ROCK1: variants seen among roughly 807,000 people sequenced by gnomAD.
ROCK1 encodes the protein rho-associated protein kinase 1.
A neutral mutation model predicts 196.8 loss-of-function variants in ROCK1; 36 were observed. The ratio of observed to expected loss-of-function variants is 0.18; its 90% confidence interval spans 0.14 to 0.24. The LOEUF (loss-of-function observed/expected upper bound fraction) is 0.24. Among genes scored for constraint, ROCK1 ranks in the 10% least tolerant of loss-of-function variants. ROCK1 has a pLI of 1.00. For missense variants in ROCK1, 920 were observed against 1,562.0 expected (o/e 0.59, Z 6.93); for synonymous variants, 443 against 515.9 (o/e 0.86, Z 1.91).
At chr18:21,099,484 CT>C (rs2036640126) in intron 1 of ROCK1, among the ~76,000 whole-genome samples, 1 of 152,186 alleles carries the variant, frequency 6.6e-6, no homozygotes, top group Admixed American at 6.5e-5. Flanking sequence ...TAGCTCACAC[CT>C]TTAATCCCAA....
chr18:20,991,206 T>A lies in ROCK1; in HGVS notation c.2113A>T (p.Ile705Phe), dbSNP rs367961522. The A allele has an allele frequency of 1.9e-6, 3 of 1,611,412 alleles. No individual in the cohort carries two copies. In the South Asian group the frequency reaches 3.3e-5, roughly 18 times the overall value. Residue 705 changes from isoleucine (I) to phenylalanine (F), a missense_variant, in exon 18 of 33, where the codon ATT becomes TTT. By Grantham distance (21) the Ile-to-Phe change is conservative. Transcript: ENST00000399799. ...ATTGCCACAGACTTTGCCTCTTCAATAGATTGATGTTTGTCAGTTAAACGA... is the reference window on the plus strand; with the variant it reads ...ATTGCCACAGACTTTGCCTCTTCAAAAGATTGATGTTTGTCAGTTAAACGA... Reference protein sequence around the residue: ...KARLTDKHQSIEEAKSVAMCE... With the variant: ...KARLTDKHQSFEEAKSVAMCE...
chr18:21,111,744 C>G lies in ROCK1; in HGVS notation c.-834G>C, dbSNP rs2036756009. ...GGCGGCGAATGCCTGGGGGGTGGGG[C>G]GAGGGGGGCTGAGAGGGACTAATAT... On this transcript the variant is annotated 5_prime_UTR_variant, in exon 1 of 33. Transcript: ENST00000399799. This position sits in a 1 kb window ranked among gnomAD's most constrained non-coding sequence, Gnocchi z 4.2. 1 of 149,890 alleles carries G rather than the reference C, an allele frequency of 6.7e-6. No homozygotes were observed. The highest frequency in any genetic ancestry group is 6.6e-5 in the Admixed American group (1 of 15,060). The allele number at this position is 149,890 out of a possible 1,614,324, so 9.3% of individuals were successfully genotyped here.
At chr18:21,092,426 G>A (rs186814111) in intron 1 of ROCK1, among the ~76,000 whole-genome samples, 3 of 151,858 alleles carry the variant, frequency 2.0e-5, no homozygotes, top group Admixed American at 6.6e-5. Flanking sequence ...GTACTAAAAT[G>A]CAACAAAGTT....
chr18:21,071,327 C>T (rs371213708), intron 1 of ROCK1, among the ~76,000 whole-genome samples: 4 of 151,790 alleles, frequency 2.6e-5, no homozygotes, highest in Admixed American at 2.0e-4. Context: ...TACAGGCTCA[C>T]GCTACCACAC....
chr18:21,006,540 T>C lies in ROCK1; in HGVS notation c.1696A>G (p.Lys566Glu). The change falls in exon 16 of 33, where the codon AAG becomes GAG. Residue 566 changes from lysine to glutamate, a missense_variant. Physicochemically the swap from Lys to Glu is moderately conservative, Grantham distance 56. Around this residue, in one of 6 missense-constraint regions of ROCK1, gnomAD observed 520 missense variants for 657.1 expected, o/e 0.79. Transcript: ENST00000399799. ...GACTTGCTCATCTCTGTGTGACTCT[T>C]CCTCAATCTTACAGCTGTGTCCGAT... ...TESDTAVRLR[K>E]SHTEMSKSIS... The C allele has an allele frequency of 6.2e-7, 1 of 1,613,888 alleles. No individual in the cohort carries two copies. Among genetic ancestry groups the C allele is most frequent in the Non-Finnish European group, 8.5e-7 (1 of 1,179,956 alleles).
intron 25 of ROCK1, 197 bp downstream of exon 25, chr18:20,968,575 G>T: frequency 2.0e-6 from 1 of 512,520 alleles, no homozygotes; most frequent in South Asian, 2.7e-5. Flanking sequence ...TAAAGTGTTG[G>T]GATTACAGGC....
intron 1 of ROCK1, among the ~76,000 whole-genome samples, chr18:21,084,387 T>C (rs2036508340): frequency 6.6e-6 from 1 of 152,098 alleles, no homozygotes; most frequent in Admixed American, 6.5e-5. Flanking sequence ...TAAGAGATTA[T>C]TACGCAAAAT....
chr18:20,993,835 C>T (rs190443127), intron 16 of ROCK1, among the ~76,000 whole-genome samples: 1 of 152,182 alleles, frequency 6.6e-6, no homozygotes, highest in East Asian at 1.9e-4. Context: ...TAGTATCTGA[C>T]TTAATATATT....
intron 27 of ROCK1, among the ~76,000 whole-genome samples, chr18:20,963,511 T>C (rs1198047005): frequency 1.3e-5 from 2 of 152,106 alleles, no homozygotes; most frequent in African/African-American, 2.4e-5. Context: ...TATTCAAATA[T>C]TGGGAAACAC....
At chr18:21,032,673 C>A (rs1440926248) in intron 9 of ROCK1, among the ~76,000 whole-genome samples, 1 of 148,272 alleles carries the variant, frequency 6.7e-6, no homozygotes, top group Non-Finnish European at 1.5e-5. Context: ...GAGTGCACCA[C>A]CATGCCTGGC....
chr18:21,014,163 GCTC>G (rs2035843480), intron 13 of ROCK1, among the ~76,000 whole-genome samples: 1 of 151,786 alleles, frequency 6.6e-6, no homozygotes, highest in African/African-American at 2.4e-5. Context: ...TTGCTAGCCT[GCTC>G]CTTTTTTGGT....
At chr18:21,076,017 G>T (rs905597007) in intron 1 of ROCK1, among the ~76,000 whole-genome samples, 2 of 151,046 alleles carry the variant, frequency 1.3e-5, no homozygotes, top group African/African-American at 4.9e-5. Context: ...GGAGGACACA[G>T]AGAAGAAAGA....
At chr18:20,967,131 T>C in intron 26 of ROCK1, 55 bp from the exon 27 acceptor site, 1 of 1,198,850 alleles carries the variant, frequency 8.3e-7, no homozygotes, top group Non-Finnish European at 1.2e-6. Flanking sequence ...TTTCCAACAT[T>C]ACTAATTGAA....
At chr18:21,050,522 T>C (rs543585044) in intron 2 of ROCK1, among the ~76,000 whole-genome samples, 2 of 152,260 alleles carry the variant, frequency 1.3e-5, no homozygotes, top group East Asian at 3.9e-4. Flanking sequence ...TGGATAGATA[T>C]TCTAATTCCT....
intron 1 of ROCK1, among the ~76,000 whole-genome samples, chr18:21,077,179 T>C (rs1238460557): frequency 6.6e-6 from 1 of 151,432 alleles, no homozygotes; most frequent in Non-Finnish European, 1.5e-5. Flanking sequence ...TTCACCTTGT[T>C]AGCCAGGATG....
chr18:20,952,868 CAG>C (rs2143315892), intron 32 of ROCK1, among the ~76,000 whole-genome samples: 1 of 151,882 alleles, frequency 6.6e-6, no homozygotes, highest in South Asian at 2.1e-4. Context: ...CAAACTAACA[CAG>C]GAATAGAAAA....
intron 2 of ROCK1, among the ~76,000 whole-genome samples, chr18:21,063,795 A>G (rs1467527947): frequency 6.6e-6 from 1 of 152,222 alleles, no homozygotes; most frequent in Non-Finnish European, 1.5e-5. Flanking sequence ...TGTTGGAAAA[A>G]GAGGGAAAGT....
intron 16 of ROCK1, among the ~76,000 whole-genome samples, chr18:21,001,331 G>A (rs2035722175): frequency 6.6e-6 from 1 of 152,196 alleles, no homozygotes; most frequent in East Asian, 1.9e-4. Flanking sequence ...AAAATGAAAT[G>A]TTTTGGAACC....
chr18:21,107,664 C>A (rs952040292), intron 1 of ROCK1, among the ~76,000 whole-genome samples: 1 of 152,180 alleles, frequency 6.6e-6, no homozygotes, highest in Non-Finnish European at 1.5e-5. Context: ...AATGAATGAA[C>A]GAACGAATGC....
Sources: allele counts gnomAD v4.1 joint callset (sites outside exome capture counted in the v4.1 genomes callset), GRCh38; gene constraint gnomAD v4.1.1; regional missense constraint gnomAD v4.1.1; non-coding constraint Gnocchi (gnomAD v3.1); transcripts MANE v1.5; gene names NCBI Gene and HGNC (gene_info 2026-07-23, HGNC 2026-07-21).